The following ANKRD36 variants were observed in gnomAD, a reference collection of about 807,000 sequenced individuals.
ANKRD36 encodes the protein ankyrin repeat domain 36, also known as ankyrin repeat domain-containing protein 36A.
ANKRD36 carries 179 observed loss-of-function variants against 278.1 expected under a neutral mutation model. The ratio of observed to expected loss-of-function variants is 0.64; its 90% CI spans 0.57 to 0.73. ANKRD36 has a LOEUF of 0.73. Among genes scored for constraint, ANKRD36 ranks in the 30% least tolerant of loss-of-function variants. ANKRD36 has a pLI of 0.00. For synonymous variants in ANKRD36, 320 were observed against 641.1 expected (o/e 0.50, Z 7.57); for missense variants, 1,159 against 1,956.7 (o/e 0.59, Z 7.69).
intron 22 of ANKRD36, among the ~76,000 whole-genome samples, chr2:97,169,851 A>G (rs1314095901): frequency 6.6e-6 from 1 of 152,230 alleles, no homozygotes; most frequent in Non-Finnish European, 1.5e-5. Context: ...AAATGGCCAT[A>G]CTGCCCAAAG....
intron 12 of ANKRD36, among the ~76,000 whole-genome samples, chr2:97,150,273 A>AAAGAATCC: frequency 6.6e-6 from 1 of 152,016 alleles, no homozygotes; most frequent in African/African-American, 2.4e-5. Flanking sequence ...TTGTAATTAA[A>AAAGAATCC]AAGAATCCAC....
chr2:97,213,879 A>G (rs2065293150), intron 60 of ANKRD36, among the ~76,000 whole-genome samples: 1 of 151,812 alleles, frequency 6.6e-6, no homozygotes, highest in Admixed American at 6.6e-5. Context: ...GCTCAGGGGA[A>G]CAGCATAATT....
chr2:97,113,964 G>T, intron 1 of ANKRD36, 28 bp downstream of exon 1: 3 of 1,599,584 alleles, frequency 1.9e-6, no homozygotes, highest in Non-Finnish European at 2.6e-6. Flanking sequence ...CCGGGGCTGC[G>T]GGAGGAGGCC....
rs969365257 is a variant in ANKRD36 at position 97,133,293 on chromosome 2, A to G, written c.799+6159A>G. ...GCTTATTTCATTTGCGTCAGTTGCA[A>G]CTTAATATGAAATACTAAGTTTCTG... On this transcript the variant is annotated intron_variant, in intron 6 of 75. Coordinates refer to ENST00000420699, the MANE Select transcript of ANKRD36 (RefSeq NM_001354587.1). Among the ~76,000 whole-genome samples, 8 of 152,134 alleles carry G rather than the reference A, an allele frequency of 5.3e-5. No individual in the cohort carries two copies. The East Asian group carries it at 1.4e-3, about 26-fold the overall frequency.
chr2:97,123,753 A>T (rs2037626756), intron 4 of ANKRD36, among the ~76,000 whole-genome samples: 1 of 146,350 alleles, frequency 6.8e-6, no homozygotes, highest in African/African-American at 2.5e-5. Flanking sequence ...AATATAATGT[A>T]AGTAACATCA....
chr2:97,231,704 C>T (rs1418368556), intron 67 of ANKRD36, among the ~76,000 whole-genome samples: 1 of 152,106 alleles, frequency 6.6e-6, no homozygotes, highest in African/African-American at 2.4e-5. Context: ...GATGGAAATG[C>T]AGAAACCACC....
intron 12 of ANKRD36, among the ~76,000 whole-genome samples, chr2:97,150,956 G>A (rs1200094421): frequency 6.6e-6 from 1 of 151,890 alleles, no homozygotes; most frequent in East Asian, 1.9e-4. Flanking sequence ...TAACTCTTGG[G>A]ATGTGTTATT....
chr2:97,139,458 A>C (rs954854059), intron 6 of ANKRD36, among the ~76,000 whole-genome samples: 2 of 152,018 alleles, frequency 1.3e-5, no homozygotes, highest in Admixed American at 1.3e-4. Flanking sequence ...GGTCTTTGTA[A>C]AATCAGTGAT....
rs1158199315 is a variant in ANKRD36 at position 97,144,454 on chromosome 2, T to C, written c.902-64T>C. The C allele has an allele frequency of 4.4e-5, 70 of 1,584,876 alleles. 1 individual carries two copies. Among genetic ancestry groups the C allele is most frequent in the Admixed American group, 1.4e-4 (8 of 58,186 alleles). ...GATACAGCTTGATGGTAACACTGCA[T>C]GAAAGTATGGATAACTTTATCATAT... On this transcript the variant is annotated intron_variant, in intron 8 of 75. Coordinates refer to ENST00000420699, the MANE Select transcript of ANKRD36 (RefSeq NM_001354587.1).
chr2:97,124,421 A>G (rs2037953209), intron 4 of ANKRD36, 39 bp from the exon 5 acceptor site: 1 of 1,532,756 alleles, frequency 6.5e-7, no homozygotes, highest in South Asian at 1.2e-5. Flanking sequence ...AGCTTTTAAA[A>G]TGTCATTAAA....
chr2:97,113,275 A>T lies in ANKRD36; in HGVS notation c.-465A>T, dbSNP rs3878987. Among the ~76,000 whole-genome samples the T allele has an allele frequency of 6.6e-5, 10 of 152,262 alleles. No individual in the cohort carries two copies. Among genetic ancestry groups the T allele is most frequent in the Middle Eastern group, 3.4e-3 (1 of 292 alleles). On this transcript the variant is annotated 5_prime_UTR_variant, in exon 1 of 76. The change creates a new upstream start codon in the 5' untranslated region. Coordinates refer to ENST00000420699, the MANE Select transcript of ANKRD36 (RefSeq NM_001354587.1). ...GACCCCGGGGGCGACGCAGTGGCGA[A>T]GTGGGGCTGTGGGCCCAGCGGTGGC...
intron 2 of ANKRD36, 56 bp from the exon 3 acceptor site, chr2:97,118,288 G>C: frequency 6.2e-7 from 1 of 1,610,714 alleles, no homozygotes; most frequent in Non-Finnish European, 8.5e-7. Flanking sequence ...GAAATCCTAC[G>C]GAGTGTTTAT....
chr2:97,235,696 G>GA (rs1316939644), intron 68 of ANKRD36, among the ~76,000 whole-genome samples: 6 of 107,256 alleles, frequency 5.6e-5, no homozygotes, highest in African/African-American at 2.9e-4. Flanking sequence ...AGGTAAATAT[G>GA]AAAAACAAAT....
At chr2:97,226,544 G>T (rs1327260576) in intron 67 of ANKRD36, among the ~76,000 whole-genome samples, 3 of 151,022 alleles carry the variant, frequency 2.0e-5, no homozygotes, top group Admixed American at 2.0e-4. Flanking sequence ...CAGATGAGTA[G>T]GTTGCGAAAA....
At chr2:97,179,156 G>C (rs2055355965) in intron 22 of ANKRD36, among the ~76,000 whole-genome samples, 1 of 151,492 alleles carries the variant, frequency 6.6e-6, no homozygotes, top group Admixed American at 6.6e-5. Context: ...TACATCATAT[G>C]GGTGTGAGAA....
intron 56 of ANKRD36, among the ~76,000 whole-genome samples, chr2:97,210,476 G>A (rs2064141057): frequency 1.3e-5 from 2 of 151,878 alleles, no homozygotes; most frequent in South Asian, 2.1e-4. Context: ...ACTACTGGAA[G>A]CAGGAAACAA....
rs201757613 is a variant in ANKRD36, at chr2:97,205,824, C to G, written c.3062-116C>G. 4.4e-6 allele frequency: 6 copies of G among 1,355,930 alleles called. No homozygotes were observed. The Admixed American group carries it at 6.0e-5, about 14-fold the overall frequency. The allele number at this position is 1,355,930 out of a possible 1,614,324, so 84.0% of individuals were successfully genotyped here. On this transcript the variant is annotated intron_variant, in intron 50 of 75. Transcript: ENST00000420699. ...TCCCCAGACACAAAGTAGAAGCCAT[C>G]AAAGCCTATGCTAATACAGGCAGGA...
At chr2:97,212,881 C>T (rs2065037487) in intron 58 of ANKRD36, 1 of 212,604 alleles carries the variant, frequency 4.7e-6, no homozygotes, top group Non-Finnish European at 9.2e-6. Context: ...TTTCAGCAAA[C>T]ATAATCCAAG....
intron 44 of ANKRD36, among the ~76,000 whole-genome samples, chr2:97,199,948 A>G (rs1011022043): frequency 6.6e-6 from 1 of 151,842 alleles, no homozygotes; most frequent in African/African-American, 2.4e-5. Flanking sequence ...AATCCTCTTA[A>G]TTTGTTGCAT....
Sources: allele counts gnomAD v4.1 joint callset (sites outside exome capture counted in the v4.1 genomes callset), GRCh38; gene constraint gnomAD v4.1.1; transcripts MANE v1.5; gene names NCBI Gene and HGNC (gene_info 2026-07-23, HGNC 2026-07-21).